The following AMBN variants were observed in gnomAD, a reference collection of about 807,000 sequenced individuals.
AMBN encodes the protein enamel matrix protein.
Under a neutral mutation model 48.0 loss-of-function variants are expected in AMBN, and 54 were observed. The ratio of observed to expected loss-of-function variants is 1.12; its 90% confidence interval spans 0.90 to 1.41. AMBN has a LOEUF of 1.41. Among genes scored for constraint, AMBN ranks in the 40% most tolerant of loss-of-function variants. The pLI, the probability that AMBN is intolerant of heterozygous loss-of-function variation, is 0.00. For synonymous variants in AMBN, 186 were observed against 190.0 expected (o/e 0.98, Z 0.17); for missense variants, 571 against 547.3 (o/e 1.04, Z -0.43).
intron 3 of AMBN, among the ~76,000 whole-genome samples, chr4:70,597,955 TC>T (rs374902438): frequency 5.0e-4 from 70 of 139,932 alleles, no homozygotes; most frequent in African/African-American, 1.9e-3. Context: ...TATTTGTTTG[TC>T]TTGTTTGTTT....
At position 70,606,165 on chromosome 4, in the gene AMBN, A is replaced by T. The variant is rs187062200; in HGVS notation, c.799-20A>T. ...ATAGCATGTGATGATGGCATCTTTGACGAATGTTTTTTTTTCCAGGGCGGG... is the reference window on the plus strand; with the variant it reads ...ATAGCATGTGATGATGGCATCTTTGTCGAATGTTTTTTTTTCCAGGGCGGG... On this transcript the variant is annotated intron_variant, in intron 12 of 12. Coordinates refer to ENST00000322937, the MANE Select transcript of AMBN (RefSeq NM_016519.6). 3.2e-4 allele frequency: 517 copies of T among 1,611,936 alleles called. 12 individuals are homozygous for T. The Admixed American group carries it at 8.4e-3, about 26-fold the overall frequency.
Position 70,596,992 on chromosome 4 carries a change from C to T in AMBN, c.85-7C>T, listed in dbSNP as rs185154087. 6 of 1,612,488 alleles carry T rather than the reference C, an allele frequency of 3.7e-6. No individual in the cohort carries two copies. In the African/African-American group the frequency reaches 6.7e-5, roughly 18 times the overall value. The stretch of plus-strand genomic sequence containing the variant: ...TAAGACTCAAAATTATTCTTATTTT[C>T]ATTCAGTTCTTTCCTCAGCAATCTG... On this transcript the variant is annotated splice_region_variant and splice_polypyrimidine_tract_variant and intron_variant, in intron 2 of 12. Transcript: ENST00000322937.
intron 4 of AMBN, among the ~76,000 whole-genome samples, 184 bp downstream of exon 4, chr4:70,598,587 AT>A (rs1174894865): frequency 2.0e-5 from 3 of 152,180 alleles, no homozygotes; most frequent in East Asian, 1.9e-4. Context: ...ACAATATTGA[AT>A]TTTATTGAGT....
At chr4:70,594,136 A>T (rs868395641) in intron 2 of AMBN, among the ~76,000 whole-genome samples, 16 of 152,240 alleles carry the variant, frequency 1.1e-4, no homozygotes, top group Non-Finnish European at 1.3e-4. Context: ...TCAGCTAGAT[A>T]ATTCCATTTA....
intron 2 of AMBN, among the ~76,000 whole-genome samples, chr4:70,596,296 G>T (rs1384253695): frequency 6.9e-6 from 1 of 144,026 alleles, no homozygotes. Context: ...AAAAAAAAAA[G>T]GAAAATATCT....
intron 2 of AMBN, 133 bp downstream of exon 2, chr4:70,593,528 T>A: frequency 1.3e-6 from 1 of 746,022 alleles, no homozygotes; most frequent in East Asian, 2.8e-5. Context: ...TCCTATTGAG[T>A]CAAAAGCCAT....
chr4:70,598,405 T>C lies in AMBN; in HGVS notation c.183+2T>C. Reference sequence around the variant, plus strand: ...CAGAGATTAAACACACTTTCTCAGGTAATCATATTTCTTATTGCAAGTATT... The same window carrying C: ...CAGAGATTAAACACACTTTCTCAGGCAATCATATTTCTTATTGCAAGTATT... On this transcript the variant is annotated splice_donor_variant, in intron 4 of 12. Transcript: ENST00000322937. LOFTEE classifies it high-confidence loss of function. 6.3e-7 allele frequency: 1 copy of C among 1,586,066 alleles called. No homozygotes were observed. The highest frequency in any genetic ancestry group is 1.3e-5 in the African/African-American group (1 of 74,076).
rs913625480 is a variant in AMBN at position 70,603,813 on chromosome 4, T to G, written c.754-64T>G. The G allele has an allele frequency of 5.1e-6, 8 of 1,565,506 alleles. No homozygotes were observed. The East Asian group carries it at 9.0e-5, about 18-fold the overall frequency. ...AAGTGAAAACTAAATAACTTTTAAC[T>G]TTGTCTTGAGTAGATAAGAAGGTAG... On this transcript the variant is annotated intron_variant, in intron 11 of 12. Coordinates refer to ENST00000322937, the MANE Select transcript of AMBN (RefSeq NM_016519.6).
At chr4:70,596,933 C>A in intron 2 of AMBN, 66 bp from the exon 3 acceptor site, 1 of 1,433,156 alleles carries the variant, frequency 7.0e-7, no homozygotes, top group Non-Finnish European at 9.8e-7. Context: ...CAATATCCTA[C>A]GCCCAATGGG....
chr4:70,602,875 T>C, intron 8 of AMBN, 39 bp downstream of exon 8: 2 of 1,546,430 alleles, frequency 1.3e-6, no homozygotes, highest in Middle Eastern at 3.5e-4. Flanking sequence ...TATTTTTTAT[T>C]TTTATTTTTA....
At chr4:70,603,534 G>A in intron 11 of AMBN, 74 bp downstream of exon 11, 1 of 1,425,612 alleles carries the variant, frequency 7.0e-7, no homozygotes, top group South Asian at 1.2e-5. Flanking sequence ...AAAAATCTAG[G>A]TCTCACACAA....
In AMBN at chr4:70,596,993, A is replaced by C. The variant is rs778067258; in HGVS notation, c.85-6A>C. Reference sequence around the variant, plus strand: ...AAGACTCAAAATTATTCTTATTTTCATTCAGTTCTTTCCTCAGCAATCTGG... The same window carrying C: ...AAGACTCAAAATTATTCTTATTTTCCTTCAGTTCTTTCCTCAGCAATCTGG... On this transcript the variant is annotated splice_region_variant and splice_polypyrimidine_tract_variant and intron_variant, in intron 2 of 12. Transcript: ENST00000322937. 1.4e-5 allele frequency: 23 copies of C among 1,612,706 alleles called. No homozygotes were observed. Among genetic ancestry groups the C allele is most frequent in the Non-Finnish European group, 2.0e-5 (23 of 1,179,180 alleles).
rs143004208 is a variant in AMBN, at chr4:70,606,870, T to C, written c.*140T>C. On this transcript the variant is annotated 3_prime_UTR_variant, in exon 13 of 13. Transcript: ENST00000322937. ...CTAAGCATATATTAATAAATGCAAGTGGCTAGAAATAGTGTAGGTCCCCTT... is the reference window on the plus strand; with the variant it reads ...CTAAGCATATATTAATAAATGCAAGCGGCTAGAAATAGTGTAGGTCCCCTT... The C allele has an allele frequency of 3.8e-3, 3,553 of 929,642 alleles. 120 individuals are homozygous for C. In the East Asian group the frequency reaches 0.062, roughly 16 times the overall value. The allele number at this position is 929,642 out of a possible 1,614,324, so 57.6% of individuals were successfully genotyped here. A position where few individuals can be genotyped will look rare whatever the true frequency, so the allele number is the denominator to read the frequency against.
chr4:70,601,103 G>C (rs1024631315), intron 5 of AMBN, among the ~76,000 whole-genome samples: 5 of 152,124 alleles, frequency 3.3e-5, no homozygotes, highest in African/African-American at 4.8e-5. Context: ...TGAGAAAGTG[G>C]TAAAATAAAG....
chr4:70,592,774 A>ATG (rs1737302395), intron 1 of AMBN, among the ~76,000 whole-genome samples: 14 of 152,226 alleles, frequency 9.2e-5, no homozygotes, highest in African/African-American at 3.4e-4. Context: ...ACATCAAAGA[A>ATG]AATTAAGATA....
At chr4:70,592,409 G>T (rs1737293861) in intron 1 of AMBN, 36 bp downstream of exon 1, 8 of 1,612,396 alleles carry the variant, frequency 5.0e-6, no homozygotes, top group African/African-American at 1.3e-5. Flanking sequence ...TGTGTTTCCT[G>T]TAAATTCTTT....
chr4:70,606,699 T>C lies in AMBN; in HGVS notation c.1313T>C (p.Met438Thr), dbSNP rs1258166089. The C allele has an allele frequency of 6.2e-7, 1 of 1,613,650 alleles. No homozygotes were observed. The highest frequency in any genetic ancestry group is 8.5e-7 in the Non-Finnish European group (1 of 1,179,838). Residue 438 changes from methionine to threonine, a missense_variant, in exon 13 of 13, where the codon ATG (methionine) becomes ACG (threonine). Physicochemically the swap from Met to Thr is moderately conservative, Grantham distance 81. Coordinates refer to ENST00000322937, the MANE Select transcript of AMBN (RefSeq NM_016519.6). ...AACAAAGCCCAGGAGCCCGAGATGA[T>C]GCATGACGCATGGCATTTCCAAGAG... Reference protein sequence around the residue: ...PGNKAQEPEMMHDAWHFQEP With the variant: ...PGNKAQEPEMTHDAWHFQEP
chr4:70,603,211 TG>T, intron 9 of AMBN, 48 bp from the exon 10 acceptor site: 1 of 1,559,828 alleles, frequency 6.4e-7, no homozygotes, highest in Non-Finnish European at 8.8e-7. Flanking sequence ...ATTACTGTTA[TG>T]GGGATGTGCC....
At position 70,594,438 on chromosome 4, in the gene AMBN, T is replaced by C. The variant is rs1355601048; in HGVS notation, c.84+1043T>C. 3.3e-5 allele frequency among the ~76,000 whole-genome samples: 5 copies of C among 152,156 alleles called. No homozygotes were observed. In the East Asian group the frequency reaches 7.7e-4, roughly 23 times the overall value. On this transcript the variant is annotated intron_variant, in intron 2 of 12. Coordinates refer to ENST00000322937, the MANE Select transcript of AMBN (RefSeq NM_016519.6). ...TGCCATGCATCCAGTAAATAAGACA[T>C]GGAAAAATGAAAGTAAATAAGACAT...
Sources: allele counts gnomAD v4.1 joint callset (sites outside exome capture counted in the v4.1 genomes callset), GRCh38; gene constraint gnomAD v4.1.1; transcripts MANE v1.5; gene names NCBI Gene and HGNC (gene_info 2026-07-23, HGNC 2026-07-21).